CNTNAP2: variants seen among roughly 807,000 people sequenced by gnomAD.
CNTNAP2 encodes the protein contactin-associated protein-like 2.
In CNTNAP2, 98 loss-of-function variants were observed where a neutral mutation model predicts 155.2. The ratio of observed to expected loss-of-function variants is 0.63; its 90% CI spans 0.54 to 0.75. The LOEUF is 0.75. Among genes scored for constraint, CNTNAP2 ranks in the 30% least tolerant of loss-of-function variants. The pLI, the probability that CNTNAP2 is intolerant of heterozygous loss-of-function variation, is 0.00. For synonymous variants in CNTNAP2, 651 were observed against 631.2 expected, an observed-to-expected ratio of 1.03 and a Z score of -0.47; for missense variants, 1,727 against 1,688.1, an observed-to-expected ratio of 1.02 and a Z score of -0.40.
intron 2 of CNTNAP2, among the ~76,000 whole-genome samples, chr7:146,802,241 C>A (rs1802891377): frequency 2.0e-5 from 3 of 152,114 alleles, no homozygotes; most frequent in Admixed American, 2.0e-4. Flanking sequence ...AAACAGTCTC[C>A]TTTTAGCGCA....
rs1176053630 is a variant in CNTNAP2, at chr7:147,772,487, C to CA, written c.2099-131077dup. Among the ~76,000 whole-genome samples, 688 of 91,374 alleles carry CA rather than the reference C, an allele frequency of 7.5e-3. 22 individuals are homozygous for CA. Among genetic ancestry groups the CA allele is most frequent in the African/African-American group, 0.032 (652 of 20,206 alleles). The allele number at this position is 91,374 out of a possible 152,430, so 59.9% of individuals were successfully genotyped here. On this transcript the variant is annotated intron_variant, in intron 13 of 23. Transcript: ENST00000361727. ...ATATATATATATATATATATATACACACACAAAAAAAAAACCACAAAAGAG... is the reference window on the plus strand; with the variant it reads ...ATATATATATATATATATATATACACAACACAAAAAAAAAACCACAAAAGAG...
chr7:146,757,562 A>T (rs1802014532), intron 1 of CNTNAP2, among the ~76,000 whole-genome samples: 1 of 152,170 alleles, frequency 6.6e-6, no homozygotes, highest in Non-Finnish European at 1.5e-5. Flanking sequence ...CCCAAGGATG[A>T]TGTTCATTTC....
chr7:147,351,332 G>A (rs1584892058), intron 9 of CNTNAP2, among the ~76,000 whole-genome samples: 1 of 151,558 alleles, frequency 6.6e-6, no homozygotes, highest in Non-Finnish European at 1.5e-5. Context: ...ACAGGTGATA[G>A]CTTATTATAT....
chr7:147,297,909 G>A (rs758481892), intron 8 of CNTNAP2, among the ~76,000 whole-genome samples: 4 of 152,238 alleles, frequency 2.6e-5, no homozygotes, highest in South Asian at 2.1e-4. Context: ...TTCCGTGTAC[G>A]TATTTTCTTC....
At chr7:147,172,906 G>A (rs1802261398) in intron 8 of CNTNAP2, among the ~76,000 whole-genome samples, 1 of 152,080 alleles carries the variant, frequency 6.6e-6, no homozygotes, top group Non-Finnish European at 1.5e-5. Flanking sequence ...TTCTTTAAGT[G>A]TTATCATTTA....
At chr7:146,911,499 C>T (rs1193496579) in intron 3 of CNTNAP2, among the ~76,000 whole-genome samples, 3 of 151,982 alleles carry the variant, frequency 2.0e-5, no homozygotes, top group African/African-American at 2.4e-5. Flanking sequence ...AGTTCATATC[C>T]TTTGTAGGGA....
chr7:147,010,007 CTTT>C (rs67223892), intron 3 of CNTNAP2, among the ~76,000 whole-genome samples: 98 of 123,658 alleles, frequency 7.9e-4, no homozygotes, highest in African/African-American at 7.2e-4. Flanking sequence ...TATCTTGGTT[CTTT>C]TTTTTTTTTT....
intron 8 of CNTNAP2, among the ~76,000 whole-genome samples, chr7:147,194,177 C>G (rs1035799554): frequency 6.6e-6 from 1 of 151,664 alleles, no homozygotes; most frequent in Non-Finnish European, 1.5e-5. Flanking sequence ...TGAGAACATG[C>G]AGTATTTGGT....
intron 15 of CNTNAP2, among the ~76,000 whole-genome samples, chr7:148,024,157 T>TAAAAAAAAAAAA (rs34591496): frequency 7.7e-4 from 83 of 107,574 alleles, no homozygotes; most frequent in East Asian, 6.8e-3. Flanking sequence ...CTTTAAAGTG[T>TAAAAAAAAAAAA]AAAAAAAAAA....
rs1264171410 is a variant in CNTNAP2 at position 146,378,380 on chromosome 7, G to A, written c.97+261407G>A. 3.3e-5 allele frequency among the ~76,000 whole-genome samples: 5 copies of A among 152,134 alleles called. No homozygotes were observed. The South Asian group carries it at 6.2e-4, about 19-fold the overall frequency. ...AAGAACCACTGCCTTAGATCATGAC[G>A]ATGATGATGATGATGGTGATGATGA... On this transcript the variant is annotated intron_variant, in intron 1 of 23. Transcript: ENST00000361727.
At chr7:146,865,487 T>C (rs1795186550) in intron 3 of CNTNAP2, among the ~76,000 whole-genome samples, 2 of 152,056 alleles carry the variant, frequency 1.3e-5, no homozygotes, top group African/African-American at 2.4e-5. Context: ...AGTCCACAAA[T>C]AGACTCACAT....
intron 9 of CNTNAP2, among the ~76,000 whole-genome samples, chr7:147,307,793 T>G (rs894783385): frequency 6.6e-6 from 1 of 152,238 alleles, no homozygotes; most frequent in Non-Finnish European, 1.5e-5. Context: ...CTGTCTGTTA[T>G]AGAACTAAGG....
rs145893542 is a variant in CNTNAP2, at chr7:146,158,334, C to T, written c.97+41361C>T. ...TTCTAAAAATCAGAGCGCCTCTTCT[C>T]CTCCAAAGGAACGCAGCTCCTTGCC... On this transcript the variant is annotated intron_variant, in intron 1 of 23. Transcript: ENST00000361727. Among the ~76,000 whole-genome samples the T allele has an allele frequency of 2.0e-3, 305 of 152,304 alleles. 1 individual carries two copies. The highest frequency in any genetic ancestry group is 7.1e-3 in the African/African-American group (294 of 41,568).
chr7:147,524,890 T>C (rs1016155806), intron 11 of CNTNAP2, among the ~76,000 whole-genome samples: 10 of 152,230 alleles, frequency 6.6e-5, no homozygotes, highest in Non-Finnish European at 1.5e-4. Flanking sequence ...TAATTTCTAC[T>C]GGTTCAGTTT....
intron 9 of CNTNAP2, among the ~76,000 whole-genome samples, chr7:147,333,891 C>T (rs984744325): frequency 6.6e-6 from 1 of 152,044 alleles, no homozygotes; most frequent in Non-Finnish European, 1.5e-5. Flanking sequence ...ATTTAGGACC[C>T]AAGTCATCGG....
intron 10 of CNTNAP2, among the ~76,000 whole-genome samples, chr7:147,433,222 T>G (rs1797494882): frequency 6.6e-6 from 1 of 152,216 alleles, no homozygotes; most frequent in Non-Finnish European, 1.5e-5. Flanking sequence ...AAAATACTAT[T>G]TTTTCAGAGT....
At chr7:147,978,331 G>A in intron 15 of CNTNAP2, 1 of 345,024 alleles carries the variant, frequency 2.9e-6, no homozygotes, top group South Asian at 2.6e-5. Context: ...AATGCCATTA[G>A]GATGACTATT....
Position 146,189,015 on chromosome 7 carries a change from TA to T in CNTNAP2, c.97+72043del, listed in dbSNP as rs1251848850. ...GAGTTTTACTAGTAATGATGTGTTATAGTAATTATGAATTTTATTACACAAA... is the reference window on the plus strand; with the variant it reads ...GAGTTTTACTAGTAATGATGTGTTATGTAATTATGAATTTTATTACACAAA... On this transcript the variant is annotated intron_variant, in intron 1 of 23. Coordinates refer to ENST00000361727, the MANE Select transcript of CNTNAP2 (RefSeq NM_014141.6). 2.0e-5 allele frequency among the ~76,000 whole-genome samples: 3 copies of T among 152,344 alleles called. No individual in the cohort carries two copies. The East Asian group carries it at 5.8e-4, about 29-fold the overall frequency.
chr7:148,073,492 C>T (rs183223922), intron 15 of CNTNAP2, among the ~76,000 whole-genome samples: 11 of 152,346 alleles, frequency 7.2e-5, no homozygotes, highest in South Asian at 2.1e-4. Context: ...AGCATATCCA[C>T]GCGGTAGCTG....
Sources: allele counts gnomAD v4.1 joint callset (sites outside exome capture counted in the v4.1 genomes callset), GRCh38; gene constraint gnomAD v4.1.1; transcripts MANE v1.5; gene names NCBI Gene and HGNC (gene_info 2026-07-23, HGNC 2026-07-21).